Variants in CDH13 observed in about 807,000 individuals in gnomAD.
The protein encoded by CDH13 is cadherin 13, also known as cadherin-13.
In CDH13, 24 loss-of-function variants were observed where a neutral mutation model predicts 63.8. That is an observed-to-expected ratio of 0.38 (90% CI 0.27 to 0.53). CDH13 has a LOEUF of 0.53. CDH13 is among the 20% of genes least tolerant of loss of function. CDH13 has a pLI of 0.85. For synonymous variants in CDH13, 503 were observed against 355.3 expected (o/e 1.42, Z -4.67); for missense variants, 1,049 against 903.1 (o/e 1.16, Z -2.07).
intron 7 of CDH13, among the ~76,000 whole-genome samples, chr16:83,565,570 G>C (rs564848711): frequency 6.6e-6 from 1 of 152,148 alleles, no homozygotes; most frequent in African/African-American, 2.4e-5. Flanking sequence ...GGACAAGGCA[G>C]TGGAACATCT....
chr16:83,582,544 A>G (rs971362241), intron 7 of CDH13, among the ~76,000 whole-genome samples: 4 of 152,164 alleles, frequency 2.6e-5, no homozygotes, highest in African/African-American at 9.7e-5. Context: ...GGATAAATGG[A>G]TCCTTCCCAG....
chr16:82,828,495 T>TA (rs2038365896), intron 1 of CDH13, among the ~76,000 whole-genome samples: 1 of 152,072 alleles, frequency 6.6e-6, no homozygotes, highest in Admixed American at 6.6e-5. Context: ...CGGGCACCTG[T>TA]AATCCCACCT....
intron 6 of CDH13, among the ~76,000 whole-genome samples, chr16:83,358,817 G>A (rs732329): frequency 0.16 from 23,752 of 151,866 alleles, 2,214 homozygotes; most frequent in African/African-American, 0.26. Context: ...GCATTCTAAG[G>A]CCTCTTTGAC....
At chr16:83,471,794 C>G (rs905458092) in intron 6 of CDH13, among the ~76,000 whole-genome samples, 3 of 152,200 alleles carry the variant, frequency 2.0e-5, no homozygotes. Flanking sequence ...CTCTCAGCAA[C>G]TTGCAAGGAA....
chr16:83,160,237 C>G (rs2037388850), intron 4 of CDH13, among the ~76,000 whole-genome samples: 1 of 151,894 alleles, frequency 6.6e-6, no homozygotes. Flanking sequence ...ATCAAATGTA[C>G]CACTCTGGTG....
chr16:83,409,601 C>T (rs191231642), intron 6 of CDH13, among the ~76,000 whole-genome samples: 256 of 152,326 alleles, frequency 1.7e-3, no homozygotes, highest in African/African-American at 6.0e-3. Context: ...GAGTAATCTA[C>T]CCATTGTATG....
intron 1 of CDH13, among the ~76,000 whole-genome samples, chr16:82,758,075 T>C (rs1474141124): frequency 6.6e-6 from 1 of 152,144 alleles, no homozygotes; most frequent in Non-Finnish European, 1.5e-5. Context: ...TCTTTGTTCA[T>C]GACCGGTGAG....
chr16:83,663,382 A>T (rs1272481630), intron 8 of CDH13, among the ~76,000 whole-genome samples: 1 of 152,238 alleles, frequency 6.6e-6, no homozygotes, highest in Non-Finnish European at 1.5e-5. Context: ...CTAATTTGCC[A>T]TTTAGAAATT....
chr16:83,195,324 C>G (rs1283099924), intron 4 of CDH13, among the ~76,000 whole-genome samples: 2 of 152,118 alleles, frequency 1.3e-5, no homozygotes, highest in East Asian at 3.9e-4. Flanking sequence ...AAAGAAATAC[C>G]TGAGATGAGG....
At chr16:83,006,932 GTT>G (rs369288331) in intron 2 of CDH13, among the ~76,000 whole-genome samples, 52 of 121,758 alleles carry the variant, frequency 4.3e-4, no homozygotes, top group Middle Eastern at 4.7e-3. Context: ...TTGTTTGTTT[GTT>G]TTTTTTGAGA....
At chr16:83,678,597 C>T (rs1350100846) in intron 10 of CDH13, 136 bp downstream of exon 10, 37 of 1,145,064 alleles carry the variant, frequency 3.2e-5, no homozygotes, top group Admixed American at 1.6e-4. Flanking sequence ...GGGAGGAAAG[C>T]GTCATAGAGA....
chr16:82,981,243 C>T (rs751110508), intron 2 of CDH13, among the ~76,000 whole-genome samples: 7 of 152,188 alleles, frequency 4.6e-5, no homozygotes, highest in Non-Finnish European at 5.9e-5. Context: ...AATTAATTAT[C>T]AGCCTGTGTG....
At chr16:83,699,209 A>C (rs1205044542) in intron 10 of CDH13, among the ~76,000 whole-genome samples, 1 of 152,250 alleles carries the variant, frequency 6.6e-6, no homozygotes, top group Non-Finnish European at 1.5e-5. Flanking sequence ...CCTAAGCCCC[A>C]GTGGCAGCCC....
intron 7 of CDH13, among the ~76,000 whole-genome samples, chr16:83,560,905 C>CG (rs957675451): frequency 1.3e-5 from 2 of 151,992 alleles, no homozygotes; most frequent in South Asian, 2.1e-4. Flanking sequence ...GTTGGCCCCC[C>CG]CCCCGCCCCA....
At chr16:83,481,390 A>G (rs2073756935) in intron 6 of CDH13, among the ~76,000 whole-genome samples, 1 of 152,202 alleles carries the variant, frequency 6.6e-6, no homozygotes, top group African/African-American at 2.4e-5. Flanking sequence ...GAGCATCCCC[A>G]TCCTCATGGC....
chr16:83,144,415 G>A (rs1454850227), intron 4 of CDH13, among the ~76,000 whole-genome samples: 1 of 152,220 alleles, frequency 6.6e-6, no homozygotes, highest in Non-Finnish European at 1.5e-5. Flanking sequence ...ATAAGAAGCA[G>A]TAGTCCATTC....
At chr16:83,305,562 A>C (rs989182104) in intron 5 of CDH13, among the ~76,000 whole-genome samples, 2 of 152,160 alleles carry the variant, frequency 1.3e-5, no homozygotes, top group Non-Finnish European at 2.9e-5. Flanking sequence ...AGAAGTTGCA[A>C]TTATATCTTC....
At chr16:83,213,511 C>T (rs779038962) in intron 4 of CDH13, among the ~76,000 whole-genome samples, 1 of 152,072 alleles carries the variant, frequency 6.6e-6, no homozygotes, top group African/African-American at 2.4e-5. Flanking sequence ...GCCCGGAAGG[C>T]TTTTCCTGGC....
intron 10 of CDH13, among the ~76,000 whole-genome samples, chr16:83,691,512 C>T (rs1904880092): frequency 6.6e-6 from 1 of 152,102 alleles, no homozygotes; most frequent in African/African-American, 2.4e-5. Flanking sequence ...AATCCCCTTA[C>T]AGCCTTGCAA....
Sources: gnomAD v4.1 joint callset for allele counts (sites outside exome capture counted in the v4.1 genomes callset) on GRCh38, gnomAD v4.1.1 for gene constraint, MANE v1.5 for transcripts, NCBI Gene and HGNC (gene_info 2026-07-23, HGNC 2026-07-21) for gene names.